LTBP1: variants seen among roughly 807,000 people sequenced by gnomAD.
LTBP1 encodes the protein latent-transforming growth factor beta-binding protein 1.
LTBP1 carries 129 observed loss-of-function variants against 207.6 expected under a neutral mutation model. That is an observed-to-expected ratio of 0.62 (90% confidence interval 0.54 to 0.72). The LOEUF is 0.72. Among genes scored for constraint, LTBP1 ranks in the 30% least tolerant of loss-of-function variants. The pLI is 0.00. For missense variants in LTBP1, 2,281 were observed against 2,217.2 expected (o/e 1.03, Z -0.58); for synonymous variants, 963 against 833.7 (o/e 1.16, Z -2.67).
chr2:33,115,047 C>T (rs1031932970), intron 4 of LTBP1, among the ~76,000 whole-genome samples: 279 of 149,626 alleles, frequency 1.9e-3, no homozygotes, highest in African/African-American at 4.6e-3. Context: ...TACACACACA[C>T]ACACACACAC....
In LTBP1 at chr2:33,361,419, C is replaced by G. The variant is rs765237346; in HGVS notation, c.4184-10C>G. On this transcript the variant is annotated splice_polypyrimidine_tract_variant and intron_variant, in intron 27 of 33. Transcript: ENST00000404816. ...AATCTTTTTTTTTTTTTTGTCTCTT[C>G]TAAAATCAGCTGAGTTCACTGAAAT... 7.7e-7 allele frequency: 1 copy of G among 1,298,144 alleles called. No individual in the cohort carries two copies. The allele number at this position is 1,298,144 out of a possible 1,614,324, so 80.4% of individuals were successfully genotyped here.
intron 3 of LTBP1, among the ~76,000 whole-genome samples, chr2:33,065,146 G>C (rs1490409961): frequency 6.6e-6 from 1 of 152,118 alleles, no homozygotes; most frequent in African/African-American, 2.4e-5. Flanking sequence ...TGCATTTTCT[G>C]TATGTAGTGT....
intron 4 of LTBP1, among the ~76,000 whole-genome samples, chr2:33,131,326 A>G (rs907703649): frequency 6.6e-6 from 1 of 152,228 alleles, no homozygotes; most frequent in African/African-American, 2.4e-5. Context: ...AATTCTTGAA[A>G]GGTGAGTGGT....
rs771860621 is a variant in LTBP1 at position 33,263,349 on chromosome 2, T to C, written c.2574T>C (p.Ser858=). The part of the protein sequence containing the change: ...PVPVEVAPEA[S]TSSASQVIAP... ...CTGTTGAAGTAGCTCCTGAAGCTTC[T>C]ACGTCTAGTGCCAGCCAAGTGATTG... The change falls in exon 15 of 34, where the codon TCT becomes TCC. Residue 858 remains serine, a synonymous_variant. Coordinates refer to ENST00000404816, the MANE Select transcript of LTBP1 (RefSeq NM_206943.4). 1 of 1,614,104 alleles carries C rather than the reference T, an allele frequency of 6.2e-7. No homozygotes were observed. The highest frequency in any genetic ancestry group is 1.7e-5 in the Admixed American group (1 of 60,020).
At chr2:33,301,711 C>T in intron 22 of LTBP1, 67 bp downstream of exon 22, 1 of 1,380,778 alleles carries the variant, frequency 7.2e-7, no homozygotes, top group East Asian at 2.5e-5. Context: ...GGCATCATCT[C>T]AGCCTTGATC....
At chr2:33,214,664 T>A (rs984439526) in intron 7 of LTBP1, among the ~76,000 whole-genome samples, 6 of 152,180 alleles carry the variant, frequency 3.9e-5, no homozygotes, top group African/African-American at 7.2e-5. Context: ...CAGGTCATTG[T>A]GTTGGTATCT....
Position 33,364,274 on chromosome 2 carries a change from G to C in LTBP1, c.4458G>C (p.Glu1486Asp). The C allele has an allele frequency of 6.2e-7, 1 of 1,613,884 alleles. No homozygotes were observed. Among genetic ancestry groups the C allele is most frequent in the Non-Finnish European group, 8.5e-7 (1 of 1,179,826 alleles). ...TTGATGGCCAGTGTGTTAATACAGA[G>C]GGCTCTTACAACTGCTTCTGTACTC... The part of the protein sequence containing the change: ...SCIDGQCVNT[E>D]GSYNCFCTHP... Residue 1486 changes from glutamate (E) to aspartate (D), a missense_variant, in exon 30 of 34, where the codon GAG becomes GAC. Transcript: ENST00000404816.
At chr2:33,163,050 C>T (rs568637252) in intron 5 of LTBP1, among the ~76,000 whole-genome samples, 3 of 152,346 alleles carry the variant, frequency 2.0e-5, no homozygotes, top group South Asian at 2.1e-4. Flanking sequence ...GGCCTGATCT[C>T]GGCTCACTGC....
At chr2:33,056,895 G>A (rs1005005189) in intron 3 of LTBP1, among the ~76,000 whole-genome samples, 5 of 152,038 alleles carry the variant, frequency 3.3e-5, no homozygotes, top group South Asian at 4.2e-4. Flanking sequence ...ACATCCTGCC[G>A]ATTGGTCCAT....
intron 19 of LTBP1, among the ~76,000 whole-genome samples, chr2:33,292,291 A>G (rs2093789336): frequency 6.6e-6 from 1 of 152,264 alleles, no homozygotes; most frequent in African/African-American, 2.4e-5. Flanking sequence ...ACAAACATCA[A>G]TTCATACATT....
Position 33,375,295 on chromosome 2 carries a change from C to T in LTBP1, c.4711+9792C>T, listed in dbSNP as rs547482759. On this transcript the variant is annotated intron_variant, in intron 31 of 33. Coordinates refer to ENST00000404816, the MANE Select transcript of LTBP1 (RefSeq NM_206943.4). Reference sequence around the variant, plus strand: ...AATCCAGTTCTAGGAAATGAGTCAACGTTCATCATGCACTGCTCCCTGGTT... The same window carrying T: ...AATCCAGTTCTAGGAAATGAGTCAATGTTCATCATGCACTGCTCCCTGGTT... Among the ~76,000 whole-genome samples, 220 of 152,280 alleles carry T rather than the reference C, an allele frequency of 1.4e-3. 1 individual carries two copies. The highest frequency in any genetic ancestry group is 2.6e-3 in the Non-Finnish European group (175 of 68,030).
intron 19 of LTBP1, among the ~76,000 whole-genome samples, chr2:33,286,945 G>C (rs903118560): frequency 6.6e-6 from 1 of 152,114 alleles, no homozygotes; most frequent in South Asian, 2.1e-4. Flanking sequence ...GTGAGGGGAG[G>C]GGGAAGAGAT....
chr2:33,233,727 T>C (rs1291733499), intron 9 of LTBP1, among the ~76,000 whole-genome samples: 1 of 152,152 alleles, frequency 6.6e-6, no homozygotes, highest in African/African-American at 2.4e-5. Context: ...CTTTTTATGA[T>C]ACTGTTTGCA....
intron 2 of LTBP1, among the ~76,000 whole-genome samples, chr2:32,994,497 G>A (rs1048110152): frequency 2.5e-4 from 37 of 149,518 alleles, no homozygotes; most frequent in Non-Finnish European, 4.9e-4. Flanking sequence ...ATAGAGTTTC[G>A]CTCTTGTTGC....
intron 4 of LTBP1, among the ~76,000 whole-genome samples, chr2:33,117,105 C>G (rs1267497152): frequency 6.6e-6 from 1 of 152,156 alleles, no homozygotes; most frequent in Admixed American, 6.5e-5. Flanking sequence ...CCCAGGTCTC[C>G]TGAGCTCTGG....
In LTBP1 at chr2:33,178,657, T is replaced by C. The variant is rs72797876; in HGVS notation, c.1202-8199T>C. On this transcript the variant is annotated intron_variant, in intron 5 of 33. Coordinates refer to ENST00000404816, the MANE Select transcript of LTBP1 (RefSeq NM_206943.4). ...TGGCGATGGAATGAAAATGGTCTTA[T>C]TAATTTTCAAAGCAGGTAACAAAAA... is the stretch of plus-strand genomic sequence containing the variant. Among the ~76,000 whole-genome samples, 1,165 of 152,310 alleles carry C rather than the reference T, an allele frequency of 7.6e-3. 5 individuals are homozygous for C. Among genetic ancestry groups the C allele is most frequent in the Non-Finnish European group, 0.012 (836 of 68,030 alleles).
intron 25 of LTBP1, among the ~76,000 whole-genome samples, chr2:33,346,987 A>G (rs1249623854): frequency 1.3e-5 from 2 of 151,898 alleles, no homozygotes; most frequent in African/African-American, 4.8e-5. Context: ...GCGTGGTGGC[A>G]GGCACCTGTG....
At chr2:32,976,022 T>C (rs1681721872) in intron 2 of LTBP1, among the ~76,000 whole-genome samples, 1 of 152,220 alleles carries the variant, frequency 6.6e-6, no homozygotes, top group South Asian at 2.1e-4. Flanking sequence ...CTTTCTCATC[T>C]GTGTGGGCTG....
At chr2:33,147,471 A>G (rs1280614000) in intron 5 of LTBP1, among the ~76,000 whole-genome samples, 1 of 152,240 alleles carries the variant, frequency 6.6e-6, no homozygotes, top group Non-Finnish European at 1.5e-5. Flanking sequence ...CTAAACTATT[A>G]TTAATCCACT....
Sources: gnomAD v4.1 joint callset for allele counts (sites outside exome capture counted in the v4.1 genomes callset) on GRCh38, gnomAD v4.1.1 for gene constraint, MANE v1.5 for transcripts, NCBI Gene and HGNC (gene_info 2026-07-23, HGNC 2026-07-21) for gene names.